The following CAPN13 variants were observed in gnomAD, a reference collection of about 807,000 sequenced individuals.
CAPN13 encodes calpain 13, also known as calpain-13.
CAPN13 carries 90 observed loss-of-function variants against 98.4 expected under a neutral mutation model. That is an observed-to-expected ratio of 0.92 (90% CI 0.77 to 1.09). CAPN13 has a LOEUF of 1.09. CAPN13 is among the 50% of genes least tolerant of loss of function. The pLI is 0.00. For synonymous variants in CAPN13, 330 were observed against 305.5 expected (o/e 1.08, Z -0.84); for missense variants, 887 against 841.3 (o/e 1.05, Z -0.67).
chr2:30,799,309 G>A (rs546217535), intron 1 of CAPN13, among the ~76,000 whole-genome samples: 1 of 152,328 alleles, frequency 6.6e-6, no homozygotes, highest in South Asian at 2.1e-4. Context: ...GTGTAAGTGT[G>A]AGAATGAGCT....
rs749643576 is a variant in CAPN13, at chr2:30,732,531, G to A, written c.1834C>T (p.Leu612=). The A allele has an allele frequency of 8.1e-6, 13 of 1,610,672 alleles. No homozygotes were observed. The highest frequency in any genetic ancestry group is 3.4e-5 in the Admixed American group (2 of 59,632). ...CTGTACCTGAGGGTCACCAGATGCA[G>A]CAGCTCACGGCTGATGAAGATCCCT... The part of the protein sequence containing the change: ...LRGIFISREL[L]HLVTLRYSDS... The change falls in exon 20 of 23, where the codon CTG becomes TTG. Residue 612 remains leucine, a synonymous_variant. Coordinates refer to ENST00000295055, the MANE Select transcript of CAPN13 (RefSeq NM_144575.3).
intron 22 of CAPN13, 121 bp downstream of exon 22, chr2:30,730,609 T>C: frequency 1.6e-6 from 1 of 631,228 alleles, no homozygotes; most frequent in South Asian, 1.9e-5. Flanking sequence ...GGTTCACTTA[T>C]GTAAGGGTCT....
Position 30,738,301 on chromosome 2 carries a change from GAGA to G in CAPN13, c.1595-11_1595-9del, listed in dbSNP as rs752500592. Reference sequence around the variant, plus strand: ...ACATGTCCCCTGGAGGTCCTGAGGAGAGAAGGACAGGAAGGACTGAAGTGTTGA... The same window carrying G: ...ACATGTCCCCTGGAGGTCCTGAGGAGAGGACAGGAAGGACTGAAGTGTTGA... On this transcript the variant is annotated splice_polypyrimidine_tract_variant and intron_variant, in intron 16 of 22. Transcript: ENST00000295055. The G allele has an allele frequency of 4.6e-5, 74 of 1,613,838 alleles. No individual in the cohort carries two copies. Among genetic ancestry groups the G allele is most frequent in the Non-Finnish European group, 5.5e-5 (65 of 1,179,870 alleles).
chr2:30,776,422 A>C lies in CAPN13; in HGVS notation c.272-377T>G, dbSNP rs189636893. ...GAGACAGGGTTTCACCATGTTGGCC[A>C]GGCTGGTCTCAAACTCCTGACCTCA... On this transcript the variant is annotated intron_variant, in intron 3 of 22. Transcript: ENST00000295055. Among the ~76,000 whole-genome samples the C allele has an allele frequency of 8.9e-3, 1,354 of 152,208 alleles. 17 individuals carry two copies. Among genetic ancestry groups the C allele is most frequent in the African/African-American group, 0.031 (1,292 of 41,530 alleles).
chr2:30,753,290 CCCAG>C, intron 9 of CAPN13, 92 bp from the exon 10 acceptor site: 1 of 1,319,626 alleles, frequency 7.6e-7, no homozygotes, highest in Non-Finnish European at 1.1e-6. Context: ...CACTGTCCTG[CCCAG>C]AGGCCAGTGT....
At chr2:30,788,828 G>A (rs1257345736) in intron 1 of CAPN13, among the ~76,000 whole-genome samples, 1 of 152,196 alleles carries the variant, frequency 6.6e-6, no homozygotes. Flanking sequence ...ACCAGTCATT[G>A]TGCAAGCATA....
intron 22 of CAPN13, among the ~76,000 whole-genome samples, chr2:30,728,273 G>A (rs143275007): frequency 1.0e-3 from 158 of 151,472 alleles, no homozygotes; most frequent in Non-Finnish European, 1.7e-3. Flanking sequence ...CTCTGACTAC[G>A]CTAAAAACCA....
chr2:30,805,705 C>A (rs1382895108), intron 1 of CAPN13, among the ~76,000 whole-genome samples: 1 of 149,558 alleles, frequency 6.7e-6, no homozygotes, highest in Non-Finnish European at 1.5e-5. Context: ...GCATCAAGCA[C>A]AATGCTTGAT....
At chr2:30,741,989 T>G (rs898682907) in intron 14 of CAPN13, 25 bp from the exon 15 acceptor site, 1 of 1,608,388 alleles carries the variant, frequency 6.2e-7, no homozygotes, top group Non-Finnish European at 8.5e-7. Flanking sequence ...AAATAGTCAA[T>G]GTTAGACTTC....
chr2:30,756,088 A>T (rs1672429928), intron 8 of CAPN13, among the ~76,000 whole-genome samples: 1 of 152,074 alleles, frequency 6.6e-6, no homozygotes, highest in South Asian at 2.1e-4. Flanking sequence ...TACGAGATCC[A>T]ACAGAACAGG....
Position 30,738,428 on chromosome 2 carries a change from C to G in CAPN13, c.1566G>C (p.Gln522His). Residue 522 changes from glutamine to histidine, a missense_variant, in exon 16 of 23, where the codon CAG becomes CAC. Coordinates refer to ENST00000295055, the MANE Select transcript of CAPN13 (RefSeq NM_144575.3). Reference sequence around the variant, plus strand: ...TTAGAAGCTCCTGGTTGAGAAGGCCCTGAAGCTGGGTGGCATCAATGTCCA... The same window carrying G: ...TTAGAAGCTCCTGGTTGAGAAGGCCGTGAAGCTGGGTGGCATCAATGTCCA... ...QRLDIDATQL[Q>H]GLLNQELLTG... 1 of 1,607,296 alleles carries G rather than the reference C, an allele frequency of 6.2e-7. No homozygotes were observed. Among genetic ancestry groups the G allele is most frequent in the Non-Finnish European group, 8.5e-7 (1 of 1,176,682 alleles).
chr2:30,762,973 T>A, intron 7 of CAPN13, 109 bp downstream of exon 7: 1 of 863,722 alleles, frequency 1.2e-6, no homozygotes, highest in Non-Finnish European at 1.8e-6. Flanking sequence ...CGATATATCC[T>A]CATTTCATCT....
intron 18 of CAPN13, among the ~76,000 whole-genome samples, chr2:30,736,103 G>C (rs1213252787): frequency 6.6e-6 from 1 of 152,024 alleles, no homozygotes; most frequent in Non-Finnish European, 1.5e-5. Context: ...CTTTGTCCTA[G>C]GAACAATGGG....
intron 20 of CAPN13, among the ~76,000 whole-genome samples, chr2:30,731,837 C>T (rs1045086873): frequency 5.3e-4 from 81 of 152,304 alleles, no homozygotes; most frequent in African/African-American, 1.7e-3. Flanking sequence ...TCTTTTTGCC[C>T]AGCTCAGAGC....
chr2:30,739,750 C>T (rs548158732), intron 15 of CAPN13, among the ~76,000 whole-genome samples: 4 of 152,252 alleles, frequency 2.6e-5, no homozygotes, highest in South Asian at 2.1e-4. Context: ...GAGCCTGCCC[C>T]GGGTCCTGCA....
At chr2:30,768,617 G>A (rs1295660492) in intron 5 of CAPN13, among the ~76,000 whole-genome samples, 1 of 151,946 alleles carries the variant, frequency 6.6e-6, no homozygotes, top group African/African-American at 2.4e-5. Flanking sequence ...TCATAATATC[G>A]TCACTGCAAG....
intron 1 of CAPN13, among the ~76,000 whole-genome samples, chr2:30,805,904 G>A (rs557056740): frequency 1.3e-5 from 2 of 151,904 alleles, no homozygotes; most frequent in Non-Finnish European, 2.9e-5. Flanking sequence ...CTACAGGTGT[G>A]CACCACCACA....
intron 22 of CAPN13, among the ~76,000 whole-genome samples, chr2:30,726,867 G>T (rs1670875726): frequency 6.6e-6 from 1 of 152,108 alleles, no homozygotes; most frequent in Admixed American, 6.5e-5. Flanking sequence ...ATATGTAAAT[G>T]CAAGGAACCC....
intron 15 of CAPN13, chr2:30,741,699 C>T: frequency 7.1e-7 from 1 of 1,414,006 alleles, no homozygotes; most frequent in Non-Finnish European, 9.2e-7. Flanking sequence ...GCTTGAAGTC[C>T]CCCGGATGAC....
Sources: gnomAD v4.1 joint callset for allele counts (sites outside exome capture counted in the v4.1 genomes callset) on GRCh38, gnomAD v4.1.1 for gene constraint, MANE v1.5 for transcripts, NCBI Gene and HGNC (gene_info 2026-07-23, HGNC 2026-07-21) for gene names.